SECISBP2: variants seen among roughly 807,000 people sequenced by gnomAD.
The protein encoded by SECISBP2 is selenocysteine insertion sequence-binding protein 2.
In SECISBP2, 96 loss-of-function variants were observed where a neutral mutation model predicts 98.2. That is an observed-to-expected ratio of 0.98 (90% CI 0.83 to 1.16). The LOEUF (loss-of-function observed/expected upper bound fraction) is 1.16, where lower values mean the gene tolerates loss of function less well. SECISBP2 is among the 50% of genes most tolerant of loss of function. The probability of loss-of-function intolerance (pLI) is 0.00; values close to 1 mark genes in which losing one functional copy is unlikely to be tolerated. For missense variants in SECISBP2, 1,046 were observed against 1,022.9 expected (o/e 1.02, Z -0.31); for synonymous variants, 407 against 370.2 (o/e 1.10, Z -1.14).
downstream of SECISBP2, among the ~76,000 whole-genome samples, chr9:89,363,267 T>TTC (rs572134533): frequency 4.0e-5 from 6 of 151,554 alleles, no homozygotes; most frequent in African/African-American, 1.5e-4. Context: ...ACGTGGGATT[T>TTC]CCCCCCCCAG....
At chr9:89,346,829 T>C in intron 10 of SECISBP2, 53 bp from the exon 11 acceptor site, 1 of 1,610,316 alleles carries the variant, frequency 6.2e-7, no homozygotes, top group Non-Finnish European at 8.5e-7. Flanking sequence ...ATCCAAGAGC[T>C]GGGTGGGGCA....
In SECISBP2 at chr9:89,343,357, C is replaced by G. The variant is rs926457253; in HGVS notation, c.1435+1878C>G. 7.3e-5 allele frequency among the ~76,000 whole-genome samples: 11 copies of G among 151,402 alleles called. No homozygotes were observed. In the South Asian group the frequency reaches 8.3e-4, roughly 11 times the overall value. ...ATCTGTGGATCTTCTTTTTTTTAAA[C>G]TTTTATTTTAGATTCAGGGGTACAC... is the stretch of plus-strand genomic sequence containing the variant. On this transcript the variant is annotated intron_variant, in intron 10 of 16. Transcript: ENST00000375807.
At chr9:89,351,749 C>A (rs150118274) in intron 14 of SECISBP2, among the ~76,000 whole-genome samples, 1 of 152,158 alleles carries the variant, frequency 6.6e-6, no homozygotes, top group Non-Finnish European at 1.5e-5. Flanking sequence ...TAACTTGGTA[C>A]GGGTCCAGCA....
chr9:89,348,785 C>G (rs1830818374), intron 12 of SECISBP2, among the ~76,000 whole-genome samples: 1 of 152,266 alleles, frequency 6.6e-6, no homozygotes, highest in Non-Finnish European at 1.5e-5. Context: ...GGCTGTGGCT[C>G]TAGTGCAACT....
At chr9:89,350,951 C>A (rs1304360832) in intron 14 of SECISBP2, 99 bp downstream of exon 14, 2 of 949,956 alleles carry the variant, frequency 2.1e-6, no homozygotes, top group Non-Finnish European at 3.4e-6. Context: ...TGCCACAGGT[C>A]TTGACAACTC....
intron 2 of SECISBP2, chr9:89,324,568 T>C (rs1393839000): frequency 6.6e-6 from 1 of 152,280 alleles, no homozygotes; most frequent in Non-Finnish European, 1.5e-5. Flanking sequence ...TAAGCGGTGC[T>C]TATGCTCATA....
chr9:89,360,092 G>T (rs182252636), downstream of SECISBP2, among the ~76,000 whole-genome samples: 4 of 152,180 alleles, frequency 2.6e-5, no homozygotes, highest in African/African-American at 4.8e-5. Context: ...TGAAGGCACC[G>T]TCTGCCCTGT....
At chr9:89,363,269 C>CG (rs1177870955), downstream of SECISBP2, among the ~76,000 whole-genome samples, 1 of 151,972 alleles carries the variant, frequency 6.6e-6, no homozygotes, top group East Asian at 1.9e-4. Flanking sequence ...GTGGGATTTC[C>CG]CCCCCCAGTG....
chr9:89,341,578 T>TA, intron 10 of SECISBP2, 99 bp downstream of exon 10: 1 of 1,394,682 alleles, frequency 7.2e-7, no homozygotes, highest in Non-Finnish European at 1.0e-6. Context: ...TATTTATAGA[T>TA]AAAACAGTGT....
chr9:89,355,449 C>A (rs1831918921), intron 14 of SECISBP2: 1 of 967,718 alleles, frequency 1.0e-6, no homozygotes, highest in Non-Finnish European at 1.2e-6. Flanking sequence ...AGGAGCTTGG[C>A]ATTTTCTGTG....
At chr9:89,354,069 T>C (rs550817343) in intron 14 of SECISBP2, among the ~76,000 whole-genome samples, 8 of 152,252 alleles carry the variant, frequency 5.3e-5, no homozygotes, top group Non-Finnish European at 1.0e-4. Context: ...ACTTAAACTT[T>C]GAAATGGAAA....
intron 12 of SECISBP2, among the ~76,000 whole-genome samples, 171 bp downstream of exon 12, chr9:89,348,385 G>T (rs543121833): frequency 6.7e-6 from 1 of 149,542 alleles, no homozygotes; most frequent in South Asian, 2.2e-4. Context: ...CCCCACAGAT[G>T]GGGGGAGTGT....
At chr9:89,356,637 CT>C (rs1195545633) in intron 14 of SECISBP2, 219 of 144,638 alleles carry the variant, frequency 1.5e-3, no homozygotes, top group Admixed American at 1.3e-3. Context: ...TTTTTTTCTT[CT>C]TTTTTTTTTT....
At position 89,348,071 on chromosome 9, in the gene SECISBP2, T is replaced by C; in HGVS notation, c.1603-8T>C. ...TTAGGCATTTTAATTGTTTATTTAA[T>C]TTTTAAGATTATTTTGAAAGAACGG... On this transcript the variant is annotated splice_region_variant and splice_polypyrimidine_tract_variant and intron_variant, in intron 11 of 16. Coordinates refer to ENST00000375807, the MANE Select transcript of SECISBP2 (RefSeq NM_024077.5). 1 of 1,609,718 alleles carries C rather than the reference T, an allele frequency of 6.2e-7. No homozygotes were observed.
intron 11 of SECISBP2, among the ~76,000 whole-genome samples, chr9:89,347,445 A>G (rs1359127979): frequency 6.7e-6 from 1 of 149,824 alleles, no homozygotes; most frequent in African/African-American, 2.5e-5. Context: ...AAGGACAGTC[A>G]CAGGCTCCTC....
chr9:89,320,136 C>T (rs764354215), intron 2 of SECISBP2, among the ~76,000 whole-genome samples: 3 of 152,098 alleles, frequency 2.0e-5, no homozygotes, highest in Non-Finnish European at 2.9e-5. Context: ...GTGGGTGGAT[C>T]ACCTGAGGTC....
chr9:89,339,801 A>T, intron 8 of SECISBP2, 63 bp from the exon 9 acceptor site: 7 of 1,133,050 alleles, frequency 6.2e-6, no homozygotes, highest in Non-Finnish European at 8.1e-6. Flanking sequence ...ATAAGCAAGG[A>T]AAAGGTTGCA....
chr9:89,322,759 C>A lies in SECISBP2; in HGVS notation c.183-2668C>A, dbSNP rs550512889. ...AGGAGAAACTGCATCCCCTTTGGGTCGTTGCCTGACTGAAGGGACCATGTG... is the reference window on the plus strand; with the variant it reads ...AGGAGAAACTGCATCCCCTTTGGGTAGTTGCCTGACTGAAGGGACCATGTG... On this transcript the variant is annotated intron_variant, in intron 2 of 16. Transcript: ENST00000375807. 6 of 152,202 alleles carry A rather than the reference C, an allele frequency of 3.9e-5. No individual in the cohort carries two copies. In the East Asian group the frequency reaches 1.2e-3, roughly 29 times the overall value. 9.4% of individuals were successfully genotyped at this position (152,202 alleles called of 1,614,324 possible).
intron 10 of SECISBP2, among the ~76,000 whole-genome samples, chr9:89,344,310 G>A (rs1830123435): frequency 6.6e-6 from 1 of 152,164 alleles, no homozygotes; most frequent in South Asian, 2.1e-4. Flanking sequence ...AAGCTCTTTA[G>A]TTTAATTAGA....
Sources: allele counts gnomAD v4.1 joint callset (sites outside exome capture counted in the v4.1 genomes callset), GRCh38; gene constraint gnomAD v4.1.1; transcripts MANE v1.5; gene names NCBI Gene and HGNC (gene_info 2026-07-23, HGNC 2026-07-21).